Variants in KLF8 observed in about 807,000 individuals in gnomAD.
KLF8 encodes Krueppel-like factor 8.
A neutral mutation model predicts 18.2 loss-of-function variants in KLF8; 10 were observed. That is an observed-to-expected ratio of 0.55 (90% CI 0.34 to 0.93). KLF8 has a LOEUF of 0.93. Among genes scored for constraint, KLF8 ranks in the 40% least tolerant of loss-of-function variants. The pLI is 0.02. For missense variants in KLF8, 264 were observed against 277.9 expected (o/e 0.95, Z 0.36); for synonymous variants, 109 against 97.3 (o/e 1.12, Z -0.71).
upstream of KLF8, among the ~76,000 whole-genome samples, chrX:56,230,616 G>C (rs2066393346): frequency 2.7e-5 from 3 of 111,790 alleles, no homozygotes; most frequent in Admixed American, 2.9e-4. Flanking sequence ...CTGTCACTAA[G>C]TTTCCACATC....
At chrX:56,045,400 T>C in the KLF8 span, among the ~76,000 whole-genome samples, 1 of 111,675 alleles carries the variant, frequency 9.0e-6, no homozygotes, top group South Asian at 3.7e-4. Context: ...TCGTTCTGTA[T>C]GAATTATGGA....
At chrX:56,107,989 T>TA in the KLF8 span, among the ~76,000 whole-genome samples, 6 of 112,296 alleles carry the variant, frequency 5.3e-5, no homozygotes, top group Non-Finnish European at 1.1e-4. Flanking sequence ...AAATGGAATT[T>TA]AAAAAAATCT....
chrX:56,174,229 G>T, the KLF8 span, among the ~76,000 whole-genome samples: 1 of 111,490 alleles, frequency 9.0e-6, no homozygotes, highest in African/African-American at 3.3e-5. Context: ...ATTGGCTGTG[G>T]GTTTGTCATA....
the KLF8 span, among the ~76,000 whole-genome samples, chrX:56,211,698 C>T: frequency 1.8e-5 from 2 of 111,921 alleles, no homozygotes; most frequent in African/African-American, 6.5e-5. Context: ...TTGAATTCTA[C>T]CTTGTGTTCT....
chrX:55,978,436 CAA>C, the KLF8 span, among the ~76,000 whole-genome samples: 1 of 111,896 alleles, frequency 8.9e-6, no homozygotes, highest in Non-Finnish European at 1.9e-5. Flanking sequence ...ATTTTCTTTA[CAA>C]AAATCTCATC....
At chrX:56,237,157 A>G (rs992246859) in intron 1 of KLF8, among the ~76,000 whole-genome samples, 3 of 93,320 alleles carry the variant, frequency 3.2e-5, no homozygotes, top group African/African-American at 1.2e-4. Context: ...AAATTCATAC[A>G]TTGAAGACCT....
the KLF8 span, among the ~76,000 whole-genome samples, chrX:56,094,123 A>T: frequency 2.7e-5 from 3 of 110,690 alleles, no homozygotes; most frequent in Non-Finnish European, 1.9e-5. Flanking sequence ...ATTAATAATC[A>T]TTTTATACAT....
chrX:55,978,730 A>C, the KLF8 span, among the ~76,000 whole-genome samples: 1 of 111,907 alleles, frequency 8.9e-6, no homozygotes, highest in Non-Finnish European at 1.9e-5. Flanking sequence ...GCTTAGGTTA[A>C]GCTGAAATTG....
At chrX:56,095,578 A>G in the KLF8 span, among the ~76,000 whole-genome samples, 18 of 112,293 alleles carry the variant, frequency 1.6e-4, no homozygotes, top group African/African-American at 4.8e-4. Context: ...AATATCTAGA[A>G]TCTACAAGGA....
chrX:56,162,331 C>T, the KLF8 span, among the ~76,000 whole-genome samples: 16 of 111,982 alleles, frequency 1.4e-4, no homozygotes, highest in African/African-American at 3.6e-4. Context: ...GCAGAGTTTT[C>T]TGCTGCCTTT....
upstream of KLF8, among the ~76,000 whole-genome samples, chrX:56,228,943 C>T (rs1465248769): frequency 1.8e-5 from 2 of 111,527 alleles, no homozygotes; most frequent in African/African-American, 3.3e-5. Flanking sequence ...GCTTGACTTC[C>T]CTTTCATTCC....
the KLF8 span, among the ~76,000 whole-genome samples, chrX:56,143,954 TG>T: frequency 8.9e-6 from 1 of 111,879 alleles, no homozygotes; most frequent in Non-Finnish European, 1.9e-5. Context: ...GAGTCAAGTA[TG>T]GTATTACAAA....
the KLF8 span, among the ~76,000 whole-genome samples, chrX:56,176,085 T>C: frequency 2.7e-5 from 3 of 112,083 alleles, no homozygotes; most frequent in Non-Finnish European, 5.6e-5. Flanking sequence ...TTGGAGCATT[T>C]AGCCCATTTA....
chrX:55,982,557 C>A, the KLF8 span, among the ~76,000 whole-genome samples: 1 of 111,721 alleles, frequency 9.0e-6, no homozygotes, highest in African/African-American at 3.2e-5. Flanking sequence ...AATAATTTTT[C>A]TAAAATGGAG....
the KLF8 span, among the ~76,000 whole-genome samples, chrX:56,017,815 G>A: frequency 8.9e-6 from 1 of 111,949 alleles, no homozygotes. Context: ...TTTGGATCAA[G>A]ACTGTTTTAC....
the KLF8 span, among the ~76,000 whole-genome samples, chrX:56,017,217 G>A: frequency 8.9e-6 from 1 of 112,250 alleles, no homozygotes; most frequent in Non-Finnish European, 1.9e-5. Flanking sequence ...TGAAGAGCTA[G>A]TATTAGGGAC....
the KLF8 span, among the ~76,000 whole-genome samples, chrX:55,937,736 TC>T: frequency 8.9e-6 from 1 of 112,374 alleles, no homozygotes; most frequent in Non-Finnish European, 1.9e-5. Context: ...TGCACATGCG[TC>T]AGTAGCTGAT....
chrX:56,097,905 C>T, the KLF8 span, among the ~76,000 whole-genome samples: 1 of 109,793 alleles, frequency 9.1e-6, no homozygotes, highest in South Asian at 4.0e-4. Context: ...CTTACCACTC[C>T]TATTCAGCAT....
chrX:56,186,253 C>T, the KLF8 span, among the ~76,000 whole-genome samples: 3 of 110,991 alleles, frequency 2.7e-5, no homozygotes, highest in Admixed American at 9.6e-5. Flanking sequence ...AGACTTTAAA[C>T]CAACAAAGAT....
Sources: gnomAD v4.1 joint callset for allele counts (sites outside exome capture counted in the v4.1 genomes callset) on GRCh38, gnomAD v4.1.1 for gene constraint, MANE v1.5 for transcripts, NCBI Gene and HGNC (gene_info 2026-07-23, HGNC 2026-07-21) for gene names.